The following NEMP2 variants were observed in gnomAD, a reference collection of about 807,000 sequenced individuals.
NEMP2 encodes UPF0571 transmembrane protein.
Under a neutral mutation model 54.2 loss-of-function variants are expected in NEMP2, and 53 were observed. That is an observed-to-expected ratio of 0.98 (90% CI 0.78 to 1.23). The LOEUF (loss-of-function observed/expected upper bound fraction) is 1.23, where lower values mean the gene tolerates loss of function less well. Among genes scored for constraint, NEMP2 ranks in the 50% most tolerant of loss-of-function variants. The pLI, the probability that NEMP2 is intolerant of heterozygous loss-of-function variation, is 0.00. For synonymous variants in NEMP2, 197 were observed against 190.3 expected, an observed-to-expected ratio of 1.04 and a Z score of -0.29; for missense variants, 455 against 511.3, an observed-to-expected ratio of 0.89 and a Z score of 1.06.
chr2:190,572,840 T>TATATATATATATATAG, the NEMP2 span, among the ~76,000 whole-genome samples: 1 of 74,760 alleles, frequency 1.3e-5, no homozygotes, highest in Non-Finnish European at 2.9e-5. Flanking sequence ...TGAGTATATA[T>TATATATATATATATAG]ATATATATAT....
chr2:190,500,222 C>T, downstream of NEMP2: 2 of 1,614,002 alleles, frequency 1.2e-6, no homozygotes, highest in Non-Finnish European at 1.7e-6. This position sits in a 1 kb window ranked among gnomAD's most constrained non-coding sequence, Gnocchi z 5.3. Context: ...ACACTGAGGG[C>T]ATCCTGCTCA....
At chr2:190,577,477 CA>C in the NEMP2 span, among the ~76,000 whole-genome samples, 1 of 152,158 alleles carries the variant, frequency 6.6e-6, no homozygotes, top group Non-Finnish European at 1.5e-5. This position sits in a 1 kb window ranked among gnomAD's most constrained non-coding sequence, Gnocchi z 4.8. Flanking sequence ...AAAGGACCCT[CA>C]TTTTTCTTAA....
chr2:190,526,896 A>G (rs1169446938), intron 1 of NEMP2, among the ~76,000 whole-genome samples: 3 of 152,172 alleles, frequency 2.0e-5, no homozygotes, highest in Non-Finnish European at 4.4e-5. Flanking sequence ...ACTCAACATA[A>G]CTGAGAGAAA....
At chr2:190,437,149 G>C in the NEMP2 span, 1 of 1,614,102 alleles carries the variant, frequency 6.2e-7, no homozygotes, top group Non-Finnish European at 8.5e-7. The surrounding 1 kb of genome is among the most constrained non-coding windows in gnomAD (Gnocchi z 5.9). Flanking sequence ...CGTCTTCATC[G>C]TCTTCGGCGT....
the NEMP2 span, among the ~76,000 whole-genome samples, chr2:190,563,934 G>T: frequency 6.6e-6 from 1 of 152,220 alleles, no homozygotes; most frequent in Non-Finnish European, 1.5e-5. The surrounding 1 kb of genome is among the most constrained non-coding windows in gnomAD (Gnocchi z 4.3). Context: ...TCTGCTACTT[G>T]TTTATGTTTT....
Position 190,510,783 on chromosome 2 carries a change from A to G in NEMP2, c.954-246T>C, listed in dbSNP as rs1690335086. Among the ~76,000 whole-genome samples, 1 of 151,816 alleles carries G rather than the reference A, an allele frequency of 6.6e-6. No homozygotes were observed. The highest frequency in any genetic ancestry group is 1.5e-5 in the Non-Finnish European group (1 of 67,962). On this transcript the variant is annotated intron_variant, in intron 7 of 8. Transcript: ENST00000409150. This position sits in a 1 kb window ranked among gnomAD's most constrained non-coding sequence, Gnocchi z 5.7. The stretch of plus-strand genomic sequence containing the variant: ...GTAGTCCCAGCTACTTGGGAGGCTG[A>G]GGCAGGAGAATGGCGTGAACCTGGG...
the NEMP2 span, among the ~76,000 whole-genome samples, chr2:190,431,258 G>A: frequency 6.6e-6 from 1 of 151,706 alleles, no homozygotes; most frequent in Non-Finnish European, 1.5e-5. This position sits in a 1 kb window ranked among gnomAD's most constrained non-coding sequence, Gnocchi z 4.4. Context: ...ACCTCCCAGA[G>A]GATGGGCGGC....
rs1304686671 is a variant in NEMP2 at position 190,530,519 on chromosome 2, T to C, written c.97+4040A>G. ...ATTTGGACTAGGCAAAAGACAGTGA[T>C]TGTCACAAGACTGTTATCACAGCTG... On this transcript the variant is annotated intron_variant, in intron 1 of 8. Coordinates refer to ENST00000409150, the MANE Select transcript of NEMP2 (RefSeq NM_001142645.2). This position sits in a 1 kb window ranked among gnomAD's most constrained non-coding sequence, Gnocchi z 4.6. Among the ~76,000 whole-genome samples the C allele has an allele frequency of 6.6e-6, 1 of 152,214 alleles. No individual in the cohort carries two copies. The highest frequency in any genetic ancestry group is 1.9e-4 in the East Asian group (1 of 5,202).
rs1407989317 is a variant in NEMP2, at chr2:190,520,976, C to A, written c.214-1793G>T. ...GCACATACCCTTGACTCCTTTGTAC[C>A]CCTCTTGCTTTGTCATGCTCACTTG... On this transcript the variant is annotated intron_variant, in intron 2 of 8. Coordinates refer to ENST00000409150, the MANE Select transcript of NEMP2 (RefSeq NM_001142645.2). The surrounding 1 kb of genome is among the most constrained non-coding windows in gnomAD (Gnocchi z 5.4). 1.3e-5 allele frequency among the ~76,000 whole-genome samples: 2 copies of A among 152,074 alleles called. No homozygotes were observed. The highest frequency in any genetic ancestry group is 2.9e-5 in the Non-Finnish European group (2 of 68,018).
At chr2:190,432,861 C>T in the NEMP2 span, among the ~76,000 whole-genome samples, 5 of 138,156 alleles carry the variant, frequency 3.6e-5, no homozygotes, top group African/African-American at 1.3e-4. Flanking sequence ...CTCTCTCTTT[C>T]ACTCACTTAC....
the NEMP2 span, among the ~76,000 whole-genome samples, chr2:190,422,875 C>G: frequency 6.6e-6 from 1 of 151,524 alleles, no homozygotes; most frequent in Non-Finnish European, 1.5e-5. Context: ...CATTTTTTCT[C>G]TCCTACTTTC....
the NEMP2 span, among the ~76,000 whole-genome samples, chr2:190,545,171 G>T: frequency 8.5e-5 from 13 of 152,158 alleles, 1 homozygote; most frequent in East Asian, 1.3e-3. Flanking sequence ...GTAGGTTTAG[G>T]ATTACACTAT....
At chr2:190,637,856 C>T in the NEMP2 span, among the ~76,000 whole-genome samples, 2 of 152,224 alleles carry the variant, frequency 1.3e-5, no homozygotes, top group African/African-American at 4.8e-5. This position sits in a 1 kb window ranked among gnomAD's most constrained non-coding sequence, Gnocchi z 4.5. Context: ...ATCCCTCAGT[C>T]AGTGCTTAAT....
the NEMP2 span, among the ~76,000 whole-genome samples, chr2:190,481,882 G>A: frequency 6.6e-6 from 1 of 152,206 alleles, no homozygotes; most frequent in African/African-American, 2.4e-5. Context: ...TCCGCCATTT[G>A]TGGAAGGTGT....
the NEMP2 span, among the ~76,000 whole-genome samples, chr2:190,601,757 A>G: frequency 6.6e-6 from 1 of 152,182 alleles, no homozygotes; most frequent in Non-Finnish European, 1.5e-5. This position sits in a 1 kb window ranked among gnomAD's most constrained non-coding sequence, Gnocchi z 5.8. Context: ...ACTCCAGGCC[A>G]TCTCCTTCTA....
At chr2:190,607,167 A>C in the NEMP2 span, among the ~76,000 whole-genome samples, 2 of 152,224 alleles carry the variant, frequency 1.3e-5, no homozygotes, top group Non-Finnish European at 2.9e-5. This position sits in a 1 kb window ranked among gnomAD's most constrained non-coding sequence, Gnocchi z 5.2. Context: ...CAGCGGAAAC[A>C]TGAGCAAGGG....
At chr2:190,596,290 C>T in the NEMP2 span, among the ~76,000 whole-genome samples, 1 of 152,244 alleles carries the variant, frequency 6.6e-6, no homozygotes, top group African/African-American at 2.4e-5. The surrounding 1 kb of genome is among the most constrained non-coding windows in gnomAD (Gnocchi z 5.1). Context: ...AGGAGAAATA[C>T]CTAATGTAGA....
the NEMP2 span, among the ~76,000 whole-genome samples, chr2:190,435,046 G>A: frequency 6.6e-6 from 1 of 152,210 alleles, no homozygotes; most frequent in African/African-American, 2.4e-5. Context: ...CTGAAGTGGA[G>A]CAGTTCATCC....
chr2:190,629,352 A>T, the NEMP2 span, among the ~76,000 whole-genome samples: 2 of 152,230 alleles, frequency 1.3e-5, no homozygotes, highest in African/African-American at 4.8e-5. Flanking sequence ...ATAAACTTGT[A>T]CTAACTTGTT....
Sources: allele counts gnomAD v4.1 joint callset (sites outside exome capture counted in the v4.1 genomes callset), GRCh38; gene constraint gnomAD v4.1.1; non-coding constraint Gnocchi (gnomAD v3.1); transcripts MANE v1.5; gene names NCBI Gene and HGNC (gene_info 2026-07-23, HGNC 2026-07-21).